The following SDAD1 variants were observed in gnomAD, a reference collection of about 807,000 sequenced individuals.
SDAD1 encodes SDA1 domain containing 1.
A neutral mutation model predicts 100.3 loss-of-function variants in SDAD1; 79 were observed. The ratio of observed to expected loss-of-function variants is 0.79; its 90% CI spans 0.66 to 0.95. The LOEUF is 0.95. SDAD1 is among the 40% of genes least tolerant of loss of function. SDAD1 has a pLI of 0.00. For missense variants in SDAD1, 790 were observed against 810.9 expected (o/e 0.97, Z 0.31); for synonymous variants, 267 against 271.4 (o/e 0.98, Z 0.16).
At position 75,957,680 on chromosome 4, in the gene SDAD1, T is replaced by A; in HGVS notation, c.1607A>T (p.Glu536Val). The A allele has an allele frequency of 6.2e-7, 1 of 1,614,222 alleles. No homozygotes were observed. Residue 536 changes from glutamate (E) to valine (V), a missense_variant, in exon 19 of 22, where the codon GAG becomes GTG. Coordinates refer to ENST00000356260, the MANE Select transcript of SDAD1 (RefSeq NM_018115.4). ...ISKKLNSMPM[E>V]ERKAKAAAIS... ...GGCTGCAGCTTTGGCCTTCCGCTCC[T>A]CCATGGGCATGCTGTTCAGCTTCTT...
chr4:75,960,229 G>C lies in SDAD1; in HGVS notation c.1357-37C>G, dbSNP rs771098132. 10 of 1,521,846 alleles carry C rather than the reference G, an allele frequency of 6.6e-6. No individual in the cohort carries two copies. The East Asian group carries it at 2.1e-4, about 32-fold the overall frequency. The allele number at this position is 1,521,846 out of a possible 1,614,324, so 94.3% of individuals were successfully genotyped here. A position where few individuals can be genotyped will look rare whatever the true frequency, so the allele number is the denominator to read the frequency against. On this transcript the variant is annotated intron_variant, in intron 16 of 21. Transcript: ENST00000356260. ...GAAATTGTTTGTAATAAGTTGCTTA[G>C]ATCATAAAACCTTAATCATGAAAGG...
chr4:75,965,572 C>A (rs966574122), intron 13 of SDAD1, among the ~76,000 whole-genome samples, 192 bp downstream of exon 13: 2 of 151,972 alleles, frequency 1.3e-5, no homozygotes, highest in Non-Finnish European at 2.9e-5. Context: ...TGTGATGTCT[C>A]CCCTGGACGC....
intron 8 of SDAD1, among the ~76,000 whole-genome samples, chr4:75,972,026 C>T (rs1256639454): frequency 6.6e-6 from 1 of 150,936 alleles, no homozygotes; most frequent in Non-Finnish European, 1.5e-5. Flanking sequence ...ACAACCTCCA[C>T]CTTCCAGGTT....
intron 21 of SDAD1, among the ~76,000 whole-genome samples, chr4:75,952,990 A>G (rs1366765230): frequency 6.6e-6 from 1 of 152,206 alleles, no homozygotes; most frequent in Non-Finnish European, 1.5e-5. Flanking sequence ...TCTATTGAAC[A>G]GTACTGGTCT....
At position 75,975,799 on chromosome 4, in the gene SDAD1, T is replaced by A. The variant is rs1340932050; in HGVS notation, c.523A>T (p.Thr175Ser). The change falls in exon 6 of 22, where the codon ACC becomes TCC. Residue 175 changes from threonine (T) to serine (S), a missense_variant. By Grantham distance (58) the Thr-to-Ser change is moderately conservative. Coordinates refer to ENST00000356260, the MANE Select transcript of SDAD1 (RefSeq NM_018115.4). ...ACATCTAAAGACATCTTGGCTGCGG[T>A]TGCATTGCTATCTCTTAACATGGTG... is the stretch of plus-strand genomic sequence containing the variant. ...MYTMLRDSNATAAKMSLDVMI... is the reference protein window; with the variant it reads ...MYTMLRDSNASAAKMSLDVMI... 6.2e-7 allele frequency: 1 copy of A among 1,614,054 alleles called. No homozygotes were observed. Among genetic ancestry groups the A allele is most frequent in the South Asian group, 1.1e-5 (1 of 91,080 alleles).
chr4:75,966,572 A>C (rs1250367165), intron 12 of SDAD1, among the ~76,000 whole-genome samples: 2 of 152,244 alleles, frequency 1.3e-5, no homozygotes, highest in African/African-American at 4.8e-5. Flanking sequence ...AAAGACAAGA[A>C]CAATCATCTC....
intron 3 of SDAD1, among the ~76,000 whole-genome samples, chr4:75,978,080 G>C (rs552825276): frequency 1.3e-5 from 2 of 152,158 alleles, no homozygotes; most frequent in South Asian, 4.2e-4. Context: ...GTCATCATAC[G>C]GCAAAACCCT....
At chr4:75,971,563 G>A in intron 8 of SDAD1, 105 bp from the exon 9 acceptor site, 1 of 820,320 alleles carries the variant, frequency 1.2e-6, no homozygotes, top group South Asian at 1.6e-5. Context: ...TTTGCACACA[G>A]CTATTAAAAA....
chr4:75,957,259 G>A (rs1560535990), intron 20 of SDAD1, 66 bp downstream of exon 20: 13 of 1,374,474 alleles, frequency 9.5e-6, no homozygotes, highest in South Asian at 7.5e-5. Context: ...GGCTATACAA[G>A]TTCTGGCTTA....
intron 6 of SDAD1, 135 bp from the exon 7 acceptor site, chr4:75,974,268 G>C (rs748004458): frequency 1.2e-4 from 87 of 709,478 alleles, no homozygotes; most frequent in Non-Finnish European, 1.9e-4. Flanking sequence ...ATTTTAAAAA[G>C]ATACGAGTTG....
At chr4:75,965,850 A>G (rs761778806) in intron 12 of SDAD1, 28 bp from the exon 13 acceptor site, 1 of 1,604,270 alleles carries the variant, frequency 6.2e-7, no homozygotes. Context: ...CAGAAAGGTC[A>G]TGGTCAGTGT....
intron 12 of SDAD1, among the ~76,000 whole-genome samples, chr4:75,966,346 TAACA>T (rs1235049259): frequency 2.0e-5 from 3 of 149,728 alleles, no homozygotes; most frequent in South Asian, 2.1e-4. Flanking sequence ...ATAGCATAGG[TAACA>T]AACAAGGCCA....
At chr4:75,962,004 T>C (rs1407309141) in intron 14 of SDAD1, among the ~76,000 whole-genome samples, 2 of 152,196 alleles carry the variant, frequency 1.3e-5, no homozygotes, top group African/African-American at 2.4e-5. Context: ...ACCCATTAAC[T>C]CGTCATTAAC....
rs1354145249 is a variant in SDAD1 at position 75,967,305 on chromosome 4, C to T, written c.1017G>A (p.Leu339=). 3.1e-6 allele frequency: 5 copies of T among 1,613,660 alleles called. No homozygotes were observed. The highest frequency in any genetic ancestry group is 8.5e-7 in the Non-Finnish European group (1 of 1,179,840). Reference sequence around the variant, plus strand: ...TTTGGTGGGGCTGCAGAAACCTTTGCAAAAAGGGATAGAAATTGAAGAGGA... The same window carrying T: ...TTTGGTGGGGCTGCAGAAACCTTTGTAAAAAGGGATAGAAATTGAAGAGGA... ...ELFLFNFYPF[L]QRFLQPHQRE... is the part of the protein sequence containing the mutation. Residue 339 remains leucine (L), a synonymous_variant, in exon 12 of 22, where the codon TTG becomes TTA. Transcript: ENST00000356260.
chr4:75,956,376 G>A (rs1728892586), intron 20 of SDAD1, among the ~76,000 whole-genome samples: 1 of 149,836 alleles, frequency 6.7e-6, no homozygotes, highest in African/African-American at 2.4e-5. Context: ...GAACTTCCTA[G>A]AAAGGGAGAC....
intron 13 of SDAD1, among the ~76,000 whole-genome samples, chr4:75,964,827 T>C (rs1729448926): frequency 1.3e-5 from 2 of 152,226 alleles, no homozygotes; most frequent in African/African-American, 4.8e-5. Context: ...TTCATAGACA[T>C]GTATCATTTC....
rs187494479 is a variant in SDAD1, at chr4:75,954,666, C to T, written c.2016+1309G>A. 2.0e-5 allele frequency among the ~76,000 whole-genome samples: 3 copies of T among 152,296 alleles called. No individual in the cohort carries two copies. In the East Asian group the frequency reaches 5.8e-4, roughly 29 times the overall value. On this transcript the variant is annotated intron_variant, in intron 21 of 21. Coordinates refer to ENST00000356260, the MANE Select transcript of SDAD1 (RefSeq NM_018115.4). ...CCTCATTATTGTAAATACAAAATTG[C>T]ATGCAAGATTGTGTAAAAACAATGC...
chr4:75,963,458 G>C (rs1486635617), intron 14 of SDAD1, among the ~76,000 whole-genome samples: 1 of 152,114 alleles, frequency 6.6e-6, no homozygotes, highest in African/African-American at 2.4e-5. Flanking sequence ...GGATGGCATT[G>C]AATCTATAAA....
At chr4:75,955,693 T>C (rs1248304072) in intron 21 of SDAD1, among the ~76,000 whole-genome samples, 1 of 152,232 alleles carries the variant, frequency 6.6e-6, no homozygotes, top group Non-Finnish European at 1.5e-5. Flanking sequence ...CTAGCTTGCA[T>C]TCCTTTACTT....
Sources: gnomAD v4.1 joint callset for allele counts (sites outside exome capture counted in the v4.1 genomes callset) on GRCh38, gnomAD v4.1.1 for gene constraint, MANE v1.5 for transcripts, NCBI Gene and HGNC (gene_info 2026-07-23, HGNC 2026-07-21) for gene names.